TTC21A: variants seen among roughly 807,000 people sequenced by gnomAD.
The protein encoded by TTC21A is tetratricopeptide repeat domain 21A.
In TTC21A, 128 loss-of-function variants were observed where a neutral mutation model predicts 156.4. The ratio of observed to expected loss-of-function variants is 0.82; its 90% CI spans 0.71 to 0.95. The LOEUF (loss-of-function observed/expected upper bound fraction) is 0.95, where lower values mean the gene tolerates loss of function less well. Among genes scored for constraint, TTC21A ranks in the 40% least tolerant of loss-of-function variants. TTC21A has a pLI of 0.00. For missense variants in TTC21A, 1,435 were observed against 1,602.3 expected, an observed-to-expected ratio of 0.90 and a Z score of 1.78; for synonymous variants, 587 against 617.1, an observed-to-expected ratio of 0.95 and a Z score of 0.72.
At chr3:39,132,236 A>G (rs1224715463) in intron 19 of TTC21A, among the ~76,000 whole-genome samples, 1 of 152,228 alleles carries the variant, frequency 6.6e-6, no homozygotes, top group African/African-American at 2.4e-5. Context: ...AGCATCGTAT[A>G]TGTGGTCTGT....
Position 39,128,875 on chromosome 3 carries a change from C to G in TTC21A, c.1839C>G (p.Ser613Arg). 1.9e-6 allele frequency: 3 copies of G among 1,614,182 alleles called. No homozygotes were observed. The highest frequency in any genetic ancestry group is 2.5e-6 in the Non-Finnish European group (3 of 1,180,022). Reference sequence around the variant, plus strand: ...TCCTCAGGCCCTCTGTGCAGCCTAGCCAGCGGGCATCCATCTTATTGGAAC... The same window carrying G: ...TCCTCAGGCCCTCTGTGCAGCCTAGGCAGCGGGCATCCATCTTATTGGAAC... Reference protein sequence around the residue: ...RKFLRPSVQPSQRASILLELV... With the variant: ...RKFLRPSVQPRQRASILLELV... The change falls in exon 14 of 29, where the codon AGC becomes AGG. Residue 613 changes from serine (S) to arginine (R), a missense_variant. Ser to Arg is a moderately radical substitution (Grantham distance 110). Transcript: ENST00000683103.
In TTC21A at chr3:39,133,034, C is replaced by T. The variant is rs748091096; in HGVS notation, c.2563-18C>T. ...TCAGGCTCTGAGTTTCTGATCCTGG[C>T]TTGATTGGTTTCTCGAGGCCTTGGA... On this transcript the variant is annotated intron_variant, in intron 19 of 28. Coordinates refer to ENST00000683103, the MANE Select transcript of TTC21A (RefSeq NM_001366900.1). The T allele has an allele frequency of 6.8e-6, 11 of 1,613,636 alleles. No homozygotes were observed. The highest frequency in any genetic ancestry group is 9.3e-6 in the Non-Finnish European group (11 of 1,179,820).
At chr3:39,113,477 G>A (rs1352519653) in intron 5 of TTC21A, among the ~76,000 whole-genome samples, 1 of 152,208 alleles carries the variant, frequency 6.6e-6, no homozygotes, top group Non-Finnish European at 1.5e-5. Context: ...GACACTGGAG[G>A]TGGGCTGCCC....
chr3:39,138,091 C>T, intron 26 of TTC21A, 176 bp from the exon 27 acceptor site: 1 of 812,936 alleles, frequency 1.2e-6, no homozygotes, highest in Non-Finnish European at 1.9e-6. Context: ...GAGAGGAGGG[C>T]ACACAGTTGG....
chr3:39,134,656 C>A lies in TTC21A; in HGVS notation c.2862+328C>A. ...GGCTTCAGGAAAAGCCCTCCTCGGT[C>A]CTGCCTCTCTCTTCCCTATCATCCA... On this transcript the variant is annotated intron_variant, in intron 21 of 28. Transcript: ENST00000683103. The surrounding 1 kb of genome is among the most constrained non-coding windows in gnomAD (Gnocchi z 4.6). 2.0e-6 allele frequency: 1 copy of A among 489,434 alleles called. No homozygotes were observed. Among genetic ancestry groups the A allele is most frequent in the South Asian group, 2.0e-5 (1 of 48,846 alleles). The allele number at this position is 489,434 out of a possible 1,614,324, so 30.3% of individuals were successfully genotyped here. A position where few individuals can be genotyped will look rare whatever the true frequency, so the allele number is the denominator to read the frequency against.
chr3:39,110,448 A>G (rs1264510570), intron 3 of TTC21A: 3 of 519,432 alleles, frequency 5.8e-6, no homozygotes, highest in Non-Finnish European at 7.0e-6. Context: ...AAACCAAGCC[A>G]ATATATATAA....
intron 12 of TTC21A, among the ~76,000 whole-genome samples, chr3:39,126,960 A>G (rs2038317509): frequency 6.6e-6 from 1 of 152,184 alleles, no homozygotes; most frequent in East Asian, 1.9e-4. Flanking sequence ...ATGCTATGGA[A>G]GAAGCTGAAA....
chr3:39,138,171 C>A (rs760308737), intron 26 of TTC21A, 96 bp from the exon 27 acceptor site: 2 of 1,577,828 alleles, frequency 1.3e-6, no homozygotes, highest in South Asian at 2.3e-5. Context: ...ACTTCTGTCC[C>A]TTGCCTGCTT....
At chr3:39,113,723 T>C (rs1314919053) in intron 5 of TTC21A, among the ~76,000 whole-genome samples, 7 of 152,278 alleles carry the variant, frequency 4.6e-5, no homozygotes, top group African/African-American at 1.4e-4. Flanking sequence ...CTTTGTGTAA[T>C]ATTCAAAATG....
chr3:39,121,029 G>A lies in TTC21A; in HGVS notation c.933G>A (p.Val311=), dbSNP rs1279313648. ...CGSHQVILGL[V]CSFIERTFMA... is the part of the protein sequence containing the mutation. ...GTCACCAGGTGATTCTAGGGCTAGT[G>A]TGTAGTTTCATCGAGCGCACCTTCA... The change falls in exon 9 of 29, where the codon GTG becomes GTA. Residue 311 remains valine, a synonymous_variant. Transcript: ENST00000683103. 1.9e-6 allele frequency: 3 copies of A among 1,612,870 alleles called. No individual in the cohort carries two copies. The highest frequency in any genetic ancestry group is 1.6e-4 in the Middle Eastern group (1 of 6,072).
intron 5 of TTC21A, 145 bp from the exon 6 acceptor site, chr3:39,114,440 C>A (rs2037104474): frequency 2.7e-6 from 2 of 740,720 alleles, no homozygotes; most frequent in African/African-American, 1.7e-5. Flanking sequence ...CTTTGAGGGG[C>A]TACTGGCCCA....
intron 3 of TTC21A, chr3:39,110,406 C>G: frequency 7.1e-6 from 4 of 565,422 alleles, no homozygotes; most frequent in Non-Finnish European, 1.3e-5. Context: ...GTTGGGGAAA[C>G]ACCCTTCTTC....
chr3:39,122,814 G>A (rs1559688907), intron 9 of TTC21A, among the ~76,000 whole-genome samples: 1 of 152,162 alleles, frequency 6.6e-6, no homozygotes, highest in Admixed American at 6.5e-5. Flanking sequence ...TCCTTCAAGG[G>A]GCAGAGTCCC....
rs747634198 is a variant in TTC21A at position 39,128,740 on chromosome 3, C to T, written c.1704C>T (p.His568=). 1.2e-6 allele frequency: 2 copies of T among 1,614,056 alleles called. No individual in the cohort carries two copies. Among genetic ancestry groups the T allele is most frequent in the Admixed American group, 1.7e-5 (1 of 59,996 alleles). The change falls in exon 14 of 29, where the codon CAC becomes CAT. Residue 568 remains histidine (H), a synonymous_variant. Transcript: ENST00000683103. ...NFQVRDHPLY[H]LIKARALNKA... ...AGGTCCGAGATCACCCCCTCTACCACCTCATCAAGGCCAGGGCCCTCAACA... is the reference window on the plus strand; with the variant it reads ...AGGTCCGAGATCACCCCCTCTACCATCTCATCAAGGCCAGGGCCCTCAACA...
chr3:39,114,979 G>A (rs1241766439), intron 6 of TTC21A, among the ~76,000 whole-genome samples: 1 of 151,980 alleles, frequency 6.6e-6, no homozygotes, highest in South Asian at 2.1e-4. Flanking sequence ...AGAAACAGAG[G>A]GTAAAGGCTT....
intron 4 of TTC21A, 35 bp from the exon 5 acceptor site, chr3:39,112,423 C>G (rs1239347512): frequency 1.2e-6 from 2 of 1,611,928 alleles, no homozygotes; most frequent in Admixed American, 1.7e-5. Context: ...TGTGCAGGAC[C>G]AAGGACTTCA....
In TTC21A at chr3:39,137,008, GACA is replaced by G; in HGVS notation, c.3208_3210del (p.Asn1070del). 1.9e-6 allele frequency: 3 copies of G among 1,614,084 alleles called. No homozygotes were observed. The highest frequency in any genetic ancestry group is 2.2e-5 in the South Asian group (2 of 91,064). ...CATGGTGCAGATCTGTCTGAATCCA[GACA>G]ACGAGGTTGTGGGCGGAGAGGCTTT... On this transcript the variant is annotated inframe_deletion, in exon 24 of 29. Coordinates refer to ENST00000683103, the MANE Select transcript of TTC21A (RefSeq NM_001366900.1).
chr3:39,110,860 C>G lies in TTC21A; in HGVS notation c.278C>G (p.Ala93Gly), dbSNP rs759875320. The G allele has an allele frequency of 1.1e-5, 17 of 1,613,900 alleles. No individual in the cohort carries two copies. The South Asian group carries it at 1.5e-4, about 15-fold the overall frequency. Residue 93 changes from alanine (A) to glycine (G), a missense_variant, in exon 4 of 29, where the codon GCA (alanine) becomes GGA (glycine). Coordinates refer to ENST00000683103, the MANE Select transcript of TTC21A (RefSeq NM_001366900.1). ...HKRCEIIDRE[A>G]IQELEYSLKE... The stretch of plus-strand genomic sequence containing the variant: ...GCTCTTGGATTTACAGACCGAGAAG[C>G]AATTCAGGAGCTTGAGTACAGCCTG...
chr3:39,119,863 C>A, intron 7 of TTC21A, 59 bp from the exon 8 acceptor site: 1 of 1,233,502 alleles, frequency 8.1e-7, no homozygotes, highest in Non-Finnish European at 1.2e-6. Flanking sequence ...GGTTGAGAAC[C>A]ACGGCGCAAC....
Sources: gnomAD v4.1 joint callset for allele counts (sites outside exome capture counted in the v4.1 genomes callset) on GRCh38, gnomAD v4.1.1 for gene constraint, Gnocchi (gnomAD v3.1) non-coding constraint, MANE v1.5 for transcripts, NCBI Gene and HGNC (gene_info 2026-07-23, HGNC 2026-07-21) for gene names.